The following MPDZ variants were observed in gnomAD, a reference collection of about 807,000 sequenced individuals.
The protein encoded by MPDZ is multiple PDZ domain crumbs cell polarity complex component.
In MPDZ, 234 loss-of-function variants were observed where a neutral mutation model predicts 239.1. The ratio of observed to expected loss-of-function variants is 0.98; its 90% CI spans 0.88 to 1.09. The LOEUF (loss-of-function observed/expected upper bound fraction) is 1.09, where lower values mean the gene tolerates loss of function less well. MPDZ is among the 50% of genes least tolerant of loss of function. The pLI, the probability that MPDZ is intolerant of heterozygous loss-of-function variation, is 0.00. For synonymous variants in MPDZ, 1,048 were observed against 881.3 expected (o/e 1.19, Z -3.35); for missense variants, 3,175 against 2,510.0 (o/e 1.26, Z -5.66).
At chr9:13,126,478 G>T in intron 34 of MPDZ, 38 bp downstream of exon 34, 1 of 1,377,536 alleles carries the variant, frequency 7.3e-7, no homozygotes, top group Non-Finnish European at 1.0e-6. Context: ...GCCCAAGGAT[G>T]GGCCTACATT....
At chr9:13,188,572 GTTTA>G (rs1341310765) in intron 17 of MPDZ, among the ~76,000 whole-genome samples, 2 of 151,856 alleles carry the variant, frequency 1.3e-5, no homozygotes, top group East Asian at 1.9e-4. Context: ...TAAGTTAGAA[GTTTA>G]TTTATAAACT....
intron 38 of MPDZ, 138 bp downstream of exon 38, chr9:13,121,601 C>T: frequency 1.2e-6 from 1 of 849,412 alleles, no homozygotes; most frequent in East Asian, 2.6e-5. Context: ...TTTATGGTTC[C>T]TTAGTGAGGG....
intron 10 of MPDZ, among the ~76,000 whole-genome samples, chr9:13,213,329 T>C (rs1030050920): frequency 3.3e-5 from 5 of 151,984 alleles, no homozygotes; most frequent in African/African-American, 7.2e-5. Context: ...AAGAACCTTA[T>C]AACAAAATAT....
intron 42 of MPDZ, 150 bp from the exon 43 acceptor site, chr9:13,112,296 T>A (rs983160042): frequency 2.7e-6 from 2 of 736,572 alleles, no homozygotes; most frequent in Middle Eastern, 4.1e-4. Flanking sequence ...TTACTTTACT[T>A]GACACAGGTG....
At chr9:13,205,458 C>T (rs1425766991) in intron 11 of MPDZ, among the ~76,000 whole-genome samples, 1 of 152,242 alleles carries the variant, frequency 6.6e-6, no homozygotes, top group Admixed American at 6.5e-5. Context: ...TATTCATGTA[C>T]AAACAGCTTA....
rs79947904 is a variant in MPDZ, at chr9:13,153,280, T to C, written c.3453-2592A>G. Among the ~76,000 whole-genome samples, 1,280 of 152,162 alleles carry C rather than the reference T, an allele frequency of 8.4e-3. 20 individuals carry two copies. The highest frequency in any genetic ancestry group is 0.029 in the African/African-American group (1,220 of 41,522). On this transcript the variant is annotated intron_variant, in intron 24 of 46. Coordinates refer to ENST00000319217, the MANE Select transcript of MPDZ (RefSeq NM_001378778.1). ...TTTTTCTTGACTGCAAATCTATAAC[T>C]CTAGAAACTCTACCTGTTTAGTTTA...
intron 19 of MPDZ, among the ~76,000 whole-genome samples, chr9:13,178,510 A>G (rs1460210422): frequency 1.3e-5 from 2 of 152,158 alleles, no homozygotes; most frequent in Non-Finnish European, 2.9e-5. Context: ...TTCAAATTAC[A>G]TATAGAGGCA....
Position 13,165,532 on chromosome 9 carries a change from T to C in MPDZ, c.3255-2737A>G, listed in dbSNP as rs539510734. The C allele has an allele frequency of 2.6e-4, 298 of 1,138,058 alleles. No individual in the cohort carries two copies. In the African/African-American group the frequency reaches 4.0e-3, roughly 15 times the overall value. The allele number at this position is 1,138,058 out of a possible 1,614,324, so 70.5% of individuals were successfully genotyped here. A position where few individuals can be genotyped will look rare whatever the true frequency, so the allele number is the denominator to read the frequency against. On this transcript the variant is annotated intron_variant, in intron 22 of 46. Transcript: ENST00000319217. Reference sequence around the variant, plus strand: ...AGTGGGTGCTCCTGGTTGTTTTTTTTCCCCCTTTCCACCTCCCTCCCATCT... The same window carrying C: ...AGTGGGTGCTCCTGGTTGTTTTTTTCCCCCCTTTCCACCTCCCTCCCATCT...
chr9:13,190,299 G>T lies in MPDZ; in HGVS notation c.1969C>A (p.Pro657Thr), dbSNP rs756163308. Residue 657 changes from proline to threonine, a missense_variant and splice_region_variant, in exon 16 of 47, where the codon CCT becomes ACT. Physicochemically the swap from Pro to Thr is conservative, Grantham distance 38. Coordinates refer to ENST00000319217, the MANE Select transcript of MPDZ (RefSeq NM_001378778.1). The part of the protein sequence containing the change: ...DLCDIELTEK[P>T]HVDLGEFIGS... ...ATGAACTCACCTAGATCTACGTGAGGCTGGATAATATCAGACAGCTCTTAT... is the reference window on the plus strand; with the variant it reads ...ATGAACTCACCTAGATCTACGTGAGTCTGGATAATATCAGACAGCTCTTAT... 1.3e-6 allele frequency: 2 copies of T among 1,560,168 alleles called. No individual in the cohort carries two copies. The highest frequency in any genetic ancestry group is 1.7e-6 in the Non-Finnish European group (2 of 1,154,702).
chr9:13,115,964 A>AT (rs1943371708), intron 39 of MPDZ, among the ~76,000 whole-genome samples: 1 of 151,174 alleles, frequency 6.6e-6, no homozygotes, highest in African/African-American at 2.4e-5. Flanking sequence ...AAAAAAAAAA[A>AT]AAAAAAAAAG....
At position 13,137,497 on chromosome 9, in the gene MPDZ, T is replaced by C. The variant is rs184055535; in HGVS notation, c.4200+460A>G. On this transcript the variant is annotated intron_variant, in intron 29 of 46. Transcript: ENST00000319217. ...AACCCTATAAAGTATGGTCCACAAA[T>C]TTATTTTGTTCGGCAGGCTGAGTTA... Among the ~76,000 whole-genome samples the C allele has an allele frequency of 2.0e-5, 3 of 152,206 alleles. No individual in the cohort carries two copies. The East Asian group carries it at 5.8e-4, about 29-fold the overall frequency.
intron 2 of MPDZ, 147 bp from the exon 3 acceptor site, chr9:13,247,948 C>T (rs1966852675): frequency 5.2e-6 from 4 of 762,766 alleles, no homozygotes; most frequent in South Asian, 5.0e-5. Flanking sequence ...AACAGTAGGC[C>T]GGACCCAGTG....
chr9:13,197,175 A>T (rs777708404), intron 12 of MPDZ, among the ~76,000 whole-genome samples: 10 of 151,248 alleles, frequency 6.6e-5, no homozygotes, highest in Non-Finnish European at 1.2e-4. Flanking sequence ...ATATATATAT[A>T]TTTTTAGTTT....
At chr9:13,171,361 G>C (rs998656170) in intron 21 of MPDZ, among the ~76,000 whole-genome samples, 1 of 152,098 alleles carries the variant, frequency 6.6e-6, no homozygotes, top group African/African-American at 2.4e-5. Context: ...ATGTGCCCTT[G>C]GGTAACTCAA....
At chr9:13,226,924 AT>A (rs1291153691) in intron 3 of MPDZ, among the ~76,000 whole-genome samples, 2 of 152,152 alleles carry the variant, frequency 1.3e-5, no homozygotes, top group Non-Finnish European at 2.9e-5. Flanking sequence ...TATCATCTCA[AT>A]GCTAAGGATG....
chr9:13,233,872 T>C (rs113833930), intron 3 of MPDZ, among the ~76,000 whole-genome samples: 5 of 152,260 alleles, frequency 3.3e-5, no homozygotes, highest in African/African-American at 1.2e-4. Flanking sequence ...GAAGACAAAG[T>C]TGGTCTACCA....
At chr9:13,211,212 A>G (rs892451514) in intron 10 of MPDZ, among the ~76,000 whole-genome samples, 7 of 152,150 alleles carry the variant, frequency 4.6e-5, no homozygotes, top group Non-Finnish European at 7.4e-5. Context: ...TTACTCTACA[A>G]GAATACCCCA....
intron 19 of MPDZ, among the ~76,000 whole-genome samples, chr9:13,178,056 G>A (rs920102245): frequency 2.0e-5 from 3 of 151,752 alleles, no homozygotes; most frequent in African/African-American, 4.8e-5. Context: ...CGCCTGCCTC[G>A]GCCTCTCAAA....
intron 1 of MPDZ, among the ~76,000 whole-genome samples, chr9:13,257,212 C>T (rs1969648783): frequency 6.6e-6 from 1 of 152,194 alleles, no homozygotes; most frequent in African/African-American, 2.4e-5. Flanking sequence ...AATTCAATAT[C>T]TGTTAGGCAC....
Sources: gnomAD v4.1 joint callset for allele counts (sites outside exome capture counted in the v4.1 genomes callset) on GRCh38, gnomAD v4.1.1 for gene constraint, MANE v1.5 for transcripts, NCBI Gene and HGNC (gene_info 2026-07-23, HGNC 2026-07-21) for gene names.